CABIN1: variants seen among roughly 807,000 people sequenced by gnomAD.
The protein encoded by CABIN1 is calcineurin-binding protein cabin-1.
Under a neutral mutation model 227.7 loss-of-function variants are expected in CABIN1, and 133 were observed. That is an observed-to-expected ratio of 0.58 (90% CI 0.51 to 0.67). The LOEUF (loss-of-function observed/expected upper bound fraction) is 0.67, where lower values mean the gene tolerates loss of function less well. Among genes scored for constraint, CABIN1 ranks in the 30% least tolerant of loss-of-function variants. The pLI is 0.00. For synonymous variants in CABIN1, 1,086 were observed against 1,155.1 expected, an observed-to-expected ratio of 0.94 and a Z score of 1.21; for missense variants, 2,408 against 2,852.5, an observed-to-expected ratio of 0.84 and a Z score of 3.55.
intron 24 of CABIN1, 172 bp downstream of exon 24, chr22:24,092,015 C>T (rs537967148): frequency 2.7e-6 from 2 of 750,896 alleles, no homozygotes; most frequent in South Asian, 3.7e-5. Flanking sequence ...CCTCTCTTTT[C>T]CCAAGGGGTG....
At chr22:24,130,006 A>G (rs1024713551) in intron 28 of CABIN1, among the ~76,000 whole-genome samples, 1 of 152,224 alleles carries the variant, frequency 6.6e-6, no homozygotes, top group African/African-American at 2.4e-5. Flanking sequence ...GATGGTCCAG[A>G]TAGTAGGCAA....
intron 26 of CABIN1, among the ~76,000 whole-genome samples, chr22:24,106,981 AAGG>A (rs750845800): frequency 1.3e-5 from 2 of 152,166 alleles, no homozygotes; most frequent in Non-Finnish European, 2.9e-5. Flanking sequence ...CAAGATCTGA[AAGG>A]AGCAGAAAAT....
rs748454675 is a variant in CABIN1, at chr22:24,063,126, G to C, written c.1864G>C (p.Ala622Pro). The change falls in exon 14 of 37, where the codon GCT becomes CCT. Residue 622 changes from alanine (A) to proline (P), a missense_variant. By Grantham distance (27) the Ala-to-Pro change is conservative (BLOSUM62 -1). Transcript: ENST00000263119. ...TGTGGTCCGTGTTTACTGGCTGAAG[G>C]CTCGCTTCCTGGCGCTGCAGGTTAG... ...EFVVRVYWLKARFLALQGDME... is the reference protein window; with the variant it reads ...EFVVRVYWLKPRFLALQGDME... 7 of 1,614,146 alleles carry C rather than the reference G, an allele frequency of 4.3e-6. No individual in the cohort carries two copies. Among genetic ancestry groups the C allele is most frequent in the Admixed American group, 1.7e-5 (1 of 60,028 alleles).
chr22:24,175,297 G>A (rs372498029), intron 34 of CABIN1, among the ~76,000 whole-genome samples: 75 of 152,320 alleles, frequency 4.9e-4, no homozygotes, highest in Non-Finnish European at 9.9e-4. Context: ...CCCAGCAGTC[G>A]CCTGCTGGCC....
At position 24,098,087 on chromosome 22, in the gene CABIN1, C is replaced by T. The variant is rs763752866; in HGVS notation, c.4012C>T (p.Pro1338Ser). 9.3e-6 allele frequency: 15 copies of T among 1,614,062 alleles called. No individual in the cohort carries two copies. In the African/African-American group the frequency reaches 1.1e-4, roughly 11 times the overall value. ...ACTGCCGGGCCCCGGAGCCTCCCTCCCCTCCTCCTCTGGCCCAGGTCTGAC... is the reference window on the plus strand; with the variant it reads ...ACTGCCGGGCCCCGGAGCCTCCCTCTCCTCCTCCTCTGGCCCAGGTCTGAC... ...GTLPGPGASLPSSSGPGLTSP... is the reference protein window; with the variant it reads ...GTLPGPGASLSSSSGPGLTSP... Residue 1338 changes from proline (P) to serine (S), a missense_variant, in exon 26 of 37, where the codon CCC (proline) becomes TCC (serine). This residue lies in a region of CABIN1 where 649 missense variants were observed against 910.3 expected (regional missense o/e 0.71). Transcript: ENST00000263119.
chr22:24,155,719 AG>A, intron 29 of CABIN1: 1 of 309,096 alleles, frequency 3.2e-6, no homozygotes, highest in Non-Finnish European at 5.9e-6. Context: ...CCGCCTGCAG[AG>A]GGGGGATATA....
At chr22:24,109,892 G>A (rs570745491) in intron 26 of CABIN1, among the ~76,000 whole-genome samples, 6 of 152,306 alleles carry the variant, frequency 3.9e-5, no homozygotes, top group South Asian at 2.1e-4. Flanking sequence ...GTTCTCAGCC[G>A]GGCGTGGTGG....
intron 26 of CABIN1, among the ~76,000 whole-genome samples, chr22:24,103,781 G>A (rs781748857): frequency 3.3e-5 from 5 of 152,162 alleles, no homozygotes; most frequent in Non-Finnish European, 7.3e-5. Context: ...CATCTGTTGT[G>A]TGCCAGGCAT....
chr22:24,147,619 C>G (rs1403721651), intron 29 of CABIN1, among the ~76,000 whole-genome samples: 1 of 151,536 alleles, frequency 6.6e-6, no homozygotes, highest in African/African-American at 2.4e-5. Context: ...CAGCGCACAT[C>G]TTTTTTTGAG....
intron 26 of CABIN1, among the ~76,000 whole-genome samples, chr22:24,110,722 A>G (rs2042763786): frequency 6.6e-6 from 1 of 152,072 alleles, no homozygotes; most frequent in South Asian, 2.1e-4. Flanking sequence ...CACTTTAAAG[A>G]TATTGTCAGA....
chr22:24,055,446 C>A (rs2038718533), intron 9 of CABIN1, among the ~76,000 whole-genome samples: 1 of 152,240 alleles, frequency 6.6e-6, no homozygotes, highest in Non-Finnish European at 1.5e-5. Flanking sequence ...TAGTGCCTGG[C>A]AGCCACATTC....
chr22:24,074,789 C>A (rs943269500), intron 18 of CABIN1, among the ~76,000 whole-genome samples: 1 of 152,110 alleles, frequency 6.6e-6, no homozygotes, highest in Non-Finnish European at 1.5e-5. Context: ...AAAGGAAAAT[C>A]GTAGAACTGA....
intron 15 of CABIN1, among the ~76,000 whole-genome samples, chr22:24,064,662 G>A (rs1296204998): frequency 1.3e-5 from 2 of 151,384 alleles, no homozygotes; most frequent in Non-Finnish European, 2.9e-5. Context: ...AGGACCCTGC[G>A]GCCTTCCGCA....
chr22:24,059,274 A>G lies in CABIN1; in HGVS notation c.1310A>G (p.Tyr437Cys), dbSNP rs750731631. The change falls in exon 11 of 37, where the codon TAT becomes TGT. Residue 437 changes from tyrosine (Y) to cysteine (C), a missense_variant. Tyr to Cys is a radical substitution (Grantham distance 194). Transcript: ENST00000263119. Reference protein sequence around the residue: ...PEEEDDSFNNYEVQSEAKLES... With the variant: ...PEEEDDSFNNCEVQSEAKLES... ...GAGGAAGATGATTCCTTTAATAACT[A>G]TGAAGTCCAGTCAGAAGCCAAACTG... The G allele has an allele frequency of 6.8e-6, 11 of 1,614,112 alleles. No individual in the cohort carries two copies. The highest frequency in any genetic ancestry group is 1.3e-5 in the African/African-American group (1 of 74,958).
At chr22:24,054,634 G>GGCA (rs2038636705) in intron 8 of CABIN1, among the ~76,000 whole-genome samples, 1 of 152,182 alleles carries the variant, frequency 6.6e-6, no homozygotes, top group South Asian at 2.1e-4. Context: ...TGCAGTGAGG[G>GGCA]GCAGGTGGAT....
intron 28 of CABIN1, among the ~76,000 whole-genome samples, chr22:24,133,972 G>A (rs2044232770): frequency 6.6e-6 from 1 of 152,194 alleles, no homozygotes; most frequent in South Asian, 2.1e-4. Flanking sequence ...GCTTGTGGGG[G>A]CCCCCTGACA....
intron 27 of CABIN1, among the ~76,000 whole-genome samples, chr22:24,118,785 C>T (rs763109918): frequency 1.3e-5 from 2 of 152,222 alleles, no homozygotes; most frequent in Non-Finnish European, 2.9e-5. Context: ...CTGGGCTATC[C>T]TGATGTGAAC....
intron 1 of CABIN1, among the ~76,000 whole-genome samples, chr22:24,019,915 C>T (rs2035600542): frequency 6.6e-6 from 1 of 152,010 alleles, no homozygotes; most frequent in African/African-American, 2.4e-5. Flanking sequence ...CCTCAGCCTC[C>T]CAAAGTGCTG....
chr22:24,134,168 G>A, intron 28 of CABIN1, 134 bp from the exon 29 acceptor site: 1 of 694,318 alleles, frequency 1.4e-6, no homozygotes, highest in East Asian at 2.7e-5. Context: ...CTGGAGCTGT[G>A]GAATCGATGT....
Sources: gnomAD v4.1 joint callset for allele counts (sites outside exome capture counted in the v4.1 genomes callset) on GRCh38, gnomAD v4.1.1 for gene constraint, gnomAD v4.1.1 regional missense constraint, MANE v1.5 for transcripts, NCBI Gene and HGNC (gene_info 2026-07-23, HGNC 2026-07-21) for gene names.